Variants in MDGA2 observed in about 807,000 individuals in gnomAD.
MDGA2 encodes the protein MAM domain-containing glycosylphosphatidylinositol anchor protein 2.
A neutral mutation model predicts 117.8 loss-of-function variants in MDGA2; 40 were observed. The observed-to-expected ratio is 0.34, with a 90% CI of 0.26 to 0.44. The LOEUF is 0.44. MDGA2 is among the 20% of genes least tolerant of loss of function. The pLI is 1.00. For missense variants in MDGA2, 1,123 were observed against 1,250.6 expected, an observed-to-expected ratio of 0.90 and a Z score of 1.54; for synonymous variants, 452 against 439.0, an observed-to-expected ratio of 1.03 and a Z score of -0.37.
intron 1 of MDGA2, among the ~76,000 whole-genome samples, chr14:47,366,201 G>A (rs992099331): frequency 3.9e-5 from 6 of 152,140 alleles, no homozygotes; most frequent in Non-Finnish European, 7.3e-5. Context: ...GACTTTTGTT[G>A]TTGGAGGGAG....
intron 1 of MDGA2, among the ~76,000 whole-genome samples, chr14:47,672,249 A>G (rs1173625366): frequency 6.6e-6 from 1 of 152,244 alleles, no homozygotes; most frequent in Non-Finnish European, 1.5e-5. Flanking sequence ...TATTTTTCAC[A>G]CAAAAACAAT....
At chr14:47,154,059 A>G (rs1883269634) in intron 3 of MDGA2, among the ~76,000 whole-genome samples, 1 of 152,192 alleles carries the variant, frequency 6.6e-6, no homozygotes, top group Non-Finnish European at 1.5e-5. Flanking sequence ...AACATAAAAA[A>G]TAAAAAAAGT....
At chr14:47,009,289 G>C (rs1455808365) in intron 8 of MDGA2, among the ~76,000 whole-genome samples, 1 of 152,010 alleles carries the variant, frequency 6.6e-6, no homozygotes, top group Admixed American at 6.6e-5. Context: ...ACAGTGATTA[G>C]ATGTTCTAAA....
chr14:47,305,155 T>A (rs1889401550), intron 1 of MDGA2: 1 of 152,192 alleles, frequency 6.6e-6, no homozygotes, highest in Non-Finnish European at 1.5e-5. Context: ...ATCAACTTCT[T>A]ACTTTAGCAA....
At chr14:47,352,532 G>T (rs1342160285) in intron 1 of MDGA2, among the ~76,000 whole-genome samples, 2 of 152,120 alleles carry the variant, frequency 1.3e-5, no homozygotes, top group Non-Finnish European at 2.9e-5. Context: ...AAGCCTGTTT[G>T]GTGGTCTCTT....
At chr14:47,507,797 C>A (rs1325971475) in intron 1 of MDGA2, among the ~76,000 whole-genome samples, 9 of 151,888 alleles carry the variant, frequency 5.9e-5, no homozygotes, top group African/African-American at 2.2e-4. Context: ...GAGATTATGT[C>A]AATAACTGAA....
In MDGA2 at chr14:47,065,134, G is replaced by C. The variant is rs188988117; in HGVS notation, c.1196-3556C>G. 6.6e-5 allele frequency among the ~76,000 whole-genome samples: 10 copies of C among 152,232 alleles called. No homozygotes were observed. The East Asian group carries it at 1.5e-3, about 24-fold the overall frequency. On this transcript the variant is annotated intron_variant, in intron 6 of 16. Coordinates refer to ENST00000399232, the MANE Select transcript of MDGA2 (RefSeq NM_001113498.3). The stretch of plus-strand genomic sequence containing the variant: ...GTTTAGTCTGGCAGTGCATGTAAAA[G>C]ATTGGCATCAAGCTGAACCTCTGTT...
chr14:47,006,887 G>A (rs1042658183), intron 8 of MDGA2, among the ~76,000 whole-genome samples: 19 of 151,532 alleles, frequency 1.3e-4, no homozygotes, highest in African/African-American at 4.4e-4. Flanking sequence ...CATTATTCTC[G>A]GAGAATAGTA....
At chr14:47,090,879 T>G (rs1042295279) in intron 6 of MDGA2, among the ~76,000 whole-genome samples, 5 of 152,148 alleles carry the variant, frequency 3.3e-5, no homozygotes, top group African/African-American at 1.2e-4. Flanking sequence ...GTCCAGGCAC[T>G]AGTTATTTGA....
At chr14:47,143,924 A>G (rs73248049) in intron 4 of MDGA2, among the ~76,000 whole-genome samples, 154 bp downstream of exon 4, 2,828 of 152,306 alleles carry the variant, frequency 0.019, 85 homozygotes, top group African/African-American at 0.065. Context: ...TGTCCTTTAT[A>G]TTTAAGTTCT....
rs578101190 is a variant in MDGA2, at chr14:47,106,731, A to G, written c.926-9608T>C. On this transcript the variant is annotated intron_variant, in intron 5 of 16. Transcript: ENST00000399232. ...AGCTTCCGGTAACTCTCACAGTGGA[A>G]GGTAAGCCCGTCCCCTTCTTAATCA... 2.3e-3 allele frequency among the ~76,000 whole-genome samples: 352 copies of G among 151,434 alleles called. 1 individual carries two copies. The highest frequency in any genetic ancestry group is 3.8e-3 in the Admixed American group (57 of 15,180).
intron 3 of MDGA2, among the ~76,000 whole-genome samples, chr14:47,194,643 T>C (rs1229484840): frequency 1.3e-5 from 2 of 152,030 alleles, no homozygotes; most frequent in African/African-American, 2.4e-5. Flanking sequence ...GAACCAATAA[T>C]AAAACTACAG....
intron 1 of MDGA2, among the ~76,000 whole-genome samples, chr14:47,439,863 TAGA>T (rs2138544769): frequency 2.6e-5 from 4 of 151,782 alleles, no homozygotes; most frequent in African/African-American, 9.7e-5. Flanking sequence ...ATATGAGGGC[TAGA>T]AGTATTTTAT....
intron 1 of MDGA2, among the ~76,000 whole-genome samples, chr14:47,598,699 G>T (rs1382037860): frequency 1.3e-5 from 2 of 152,250 alleles, no homozygotes; most frequent in Non-Finnish European, 2.9e-5. Context: ...ATTGTTTAAT[G>T]GGTACAGTTT....
At chr14:47,562,061 A>T (rs1895827196) in intron 1 of MDGA2, among the ~76,000 whole-genome samples, 1 of 152,218 alleles carries the variant, frequency 6.6e-6, no homozygotes, top group South Asian at 2.1e-4. Flanking sequence ...CCAACTTTGC[A>T]TCCCACGGAT....
chr14:47,585,441 A>G (rs1191545502), intron 1 of MDGA2, among the ~76,000 whole-genome samples: 1 of 151,968 alleles, frequency 6.6e-6, no homozygotes, highest in African/African-American at 2.4e-5. Flanking sequence ...TTTCTTATCT[A>G]TAAAATTGAG....
intron 8 of MDGA2, among the ~76,000 whole-genome samples, chr14:47,000,143 T>C (rs1016817842): frequency 6.6e-6 from 1 of 151,114 alleles, no homozygotes; most frequent in Admixed American, 6.7e-5. Context: ...GTGGTTGCCA[T>C]TTATCTGATA....
At chr14:47,137,633 T>G (rs539444690) in intron 4 of MDGA2, among the ~76,000 whole-genome samples, 2 of 152,188 alleles carry the variant, frequency 1.3e-5, no homozygotes, top group Non-Finnish European at 2.9e-5. Context: ...TCATGCTTCC[T>G]GTACAGTCTG....
chr14:47,141,270 A>T (rs1882705922), intron 4 of MDGA2, among the ~76,000 whole-genome samples: 1 of 152,174 alleles, frequency 6.6e-6, no homozygotes, highest in Non-Finnish European at 1.5e-5. Context: ...GAGCTATAAT[A>T]TGATCCAGCA....
Sources: allele counts gnomAD v4.1 joint callset (sites outside exome capture counted in the v4.1 genomes callset), GRCh38; gene constraint gnomAD v4.1.1; transcripts MANE v1.5; gene names NCBI Gene and HGNC (gene_info 2026-07-23, HGNC 2026-07-21).